STXBP5: variants seen among roughly 807,000 people sequenced by gnomAD.
STXBP5 encodes syntaxin-binding protein 5.
Under a neutral mutation model 152.4 loss-of-function variants are expected in STXBP5, and 50 were observed. The ratio of observed to expected loss-of-function variants is 0.33; its 90% CI spans 0.26 to 0.42. STXBP5 has a LOEUF of 0.42. STXBP5 is among the 10% of genes least tolerant of loss of function. STXBP5 has a pLI of 1.00. For missense variants in STXBP5, 1,167 were observed against 1,388.6 expected (o/e 0.84, Z 2.54); for synonymous variants, 492 against 494.7 (o/e 0.99, Z 0.07).
At chr6:147,240,170 G>A (rs1000400386) in intron 4 of STXBP5, among the ~76,000 whole-genome samples, 1 of 152,074 alleles carries the variant, frequency 6.6e-6, no homozygotes, top group Non-Finnish European at 1.5e-5. Flanking sequence ...TCGAACTCCT[G>A]ACCTCAAGTG....
At chr6:147,358,051 G>A (rs558586670) in intron 22 of STXBP5, among the ~76,000 whole-genome samples, 1 of 152,280 alleles carries the variant, frequency 6.6e-6, no homozygotes, top group East Asian at 1.9e-4. Flanking sequence ...ACAGAGCTGG[G>A]TAAAGGAATT....
intron 21 of STXBP5, among the ~76,000 whole-genome samples, chr6:147,350,239 GA>G (rs537435455): frequency 1.3e-5 from 2 of 151,882 alleles, no homozygotes; most frequent in African/African-American, 2.4e-5. Flanking sequence ...AATAGTACTA[GA>G]AAAAAACTTT....
At chr6:147,315,998 C>G (rs578057435) in intron 15 of STXBP5, among the ~76,000 whole-genome samples, 2 of 152,032 alleles carry the variant, frequency 1.3e-5, no homozygotes, top group African/African-American at 4.8e-5. Flanking sequence ...GATATTAACA[C>G]GAGTACCATA....
At chr6:147,347,256 A>G (rs1784381523) in intron 21 of STXBP5, among the ~76,000 whole-genome samples, 1 of 152,254 alleles carries the variant, frequency 6.6e-6, no homozygotes, top group African/African-American at 2.4e-5. Context: ...GTAGATATCA[A>G]TGAAATAATA....
intron 17 of STXBP5, 25 bp from the exon 18 acceptor site, chr6:147,327,100 A>G (rs376804373): frequency 1.2e-6 from 2 of 1,602,674 alleles, no homozygotes; most frequent in African/African-American, 1.3e-5. Flanking sequence ...TTGTGCTAAA[A>G]TGTTTGTTAT....
At chr6:147,383,688 C>A (rs1291737399) in intron 27 of STXBP5, among the ~76,000 whole-genome samples, 1 of 152,050 alleles carries the variant, frequency 6.6e-6, no homozygotes, top group Non-Finnish European at 1.5e-5. Flanking sequence ...CCTAGGCTGG[C>A]CCTGGAGGAC....
intron 21 of STXBP5, among the ~76,000 whole-genome samples, chr6:147,350,445 C>T (rs1448649442): frequency 6.6e-6 from 1 of 151,888 alleles, no homozygotes; most frequent in African/African-American, 2.4e-5. Flanking sequence ...ATAAACGTTC[C>T]TAATTGATTA....
rs570628188 is a variant in STXBP5 at position 147,235,824 on chromosome 6, T to C, written c.330+493T>C. ...GATGTTGCCTTTCCTTTTGAAAGTA[T>C]AGAAGGAGCTAGAGAAAACAGCATT... On this transcript the variant is annotated intron_variant, in intron 3 of 27. Coordinates refer to ENST00000321680, the MANE Select transcript of STXBP5 (RefSeq NM_001127715.4). 7.2e-4 allele frequency among the ~76,000 whole-genome samples: 110 copies of C among 152,276 alleles called. 2 individuals are homozygous for C. Among genetic ancestry groups the C allele is most frequent in the African/African-American group, 2.6e-3 (108 of 41,564 alleles).
At chr6:147,316,428 G>C (rs1782650299) in intron 16 of STXBP5, 21 bp downstream of exon 16, 1 of 1,470,198 alleles carries the variant, frequency 6.8e-7, no homozygotes, top group Non-Finnish European at 9.0e-7. Context: ...AAAAACTACA[G>C]AGGAGTTTTG....
intron 21 of STXBP5, among the ~76,000 whole-genome samples, chr6:147,351,346 A>G (rs537402562): frequency 6.6e-6 from 1 of 152,224 alleles, no homozygotes; most frequent in South Asian, 2.1e-4. Flanking sequence ...CATCCATATC[A>G]TATGATTTTT....
At chr6:147,366,231 A>G (rs1316085181) in intron 25 of STXBP5, among the ~76,000 whole-genome samples, 2 of 152,232 alleles carry the variant, frequency 1.3e-5, no homozygotes, top group Non-Finnish European at 2.9e-5. Flanking sequence ...TTCAGCACGT[A>G]CACGTGACTA....
intron 19 of STXBP5, among the ~76,000 whole-genome samples, chr6:147,338,184 A>G (rs1310637610): frequency 1.3e-5 from 2 of 152,134 alleles, no homozygotes; most frequent in African/African-American, 4.8e-5. Context: ...AACGCACTCC[A>G]CTAATCACAA....
intron 26 of STXBP5, among the ~76,000 whole-genome samples, chr6:147,381,867 A>G (rs1173614104): frequency 6.6e-6 from 1 of 152,168 alleles, no homozygotes; most frequent in East Asian, 1.9e-4. Context: ...GTGATTGCCA[A>G]GAACTGCAAA....
chr6:147,214,367 T>G (rs1283627444), intron 2 of STXBP5, among the ~76,000 whole-genome samples: 1 of 152,184 alleles, frequency 6.6e-6, no homozygotes, highest in African/African-American at 2.4e-5. Context: ...CCAGCTCTGT[T>G]TACCATGTAA....
rs1786419696 is a variant in STXBP5 at position 147,387,950 on chromosome 6, C to T, written c.*3195C>T. 2 of 151,644 alleles carry T rather than the reference C, an allele frequency of 1.3e-5. No individual in the cohort carries two copies. The highest frequency in any genetic ancestry group is 2.4e-5 in the African/African-American group (1 of 41,386). 9.4% of individuals were successfully genotyped at this position (151,644 alleles called of 1,614,324 possible). A position where few individuals can be genotyped will look rare whatever the true frequency, so the allele number is the denominator to read the frequency against. On this transcript the variant is annotated 3_prime_UTR_variant, in exon 28 of 28. Transcript: ENST00000321680. Reference sequence around the variant, plus strand: ...AAGGAAGAATATGTGGAAGACACCACGGAGTTCAAAGTTTTACCCTGAGTT... The same window carrying T: ...AAGGAAGAATATGTGGAAGACACCATGGAGTTCAAAGTTTTACCCTGAGTT...
At chr6:147,286,928 A>G (rs1410630489) in intron 8 of STXBP5, among the ~76,000 whole-genome samples, 2 of 151,812 alleles carry the variant, frequency 1.3e-5, no homozygotes, top group African/African-American at 4.8e-5. Context: ...GTATTAACAC[A>G]TACACACAAA....
At chr6:147,227,086 C>T (rs1304276419) in intron 2 of STXBP5, among the ~76,000 whole-genome samples, 1 of 151,984 alleles carries the variant, frequency 6.6e-6, no homozygotes, top group Non-Finnish European at 1.5e-5. Context: ...GTTTAAAATT[C>T]CAGAATGTGA....
chr6:147,208,154 C>T (rs150237130), intron 2 of STXBP5, among the ~76,000 whole-genome samples: 8 of 152,052 alleles, frequency 5.3e-5, no homozygotes, highest in Non-Finnish European at 1.0e-4. Context: ...TTTTTAGAAC[C>T]TCCTTACTAA....
chr6:147,344,630 A>G (rs986373738), intron 21 of STXBP5, among the ~76,000 whole-genome samples: 1 of 152,184 alleles, frequency 6.6e-6, no homozygotes, highest in Non-Finnish European at 1.5e-5. Flanking sequence ...GTATCTGTGT[A>G]TCCACATTTC....
Sources: gnomAD v4.1 joint callset for allele counts (sites outside exome capture counted in the v4.1 genomes callset) on GRCh38, gnomAD v4.1.1 for gene constraint, MANE v1.5 for transcripts, NCBI Gene and HGNC (gene_info 2026-07-23, HGNC 2026-07-21) for gene names.